The following DNAJC1 variants were observed in gnomAD, a reference collection of about 807,000 sequenced individuals.
DNAJC1 encodes DnaJ heat shock protein family (Hsp40) member C1, also known as dnaJ homolog subfamily C member 1.
A neutral mutation model predicts 76.6 loss-of-function variants in DNAJC1; 58 were observed. The observed-to-expected ratio is 0.76, with a 90% confidence interval of 0.61 to 0.94. The LOEUF is 0.94. DNAJC1 is among the 40% of genes least tolerant of loss of function. The probability of loss-of-function intolerance (pLI) is 0.00; values close to 1 mark genes in which losing one functional copy is unlikely to be tolerated. For missense variants in DNAJC1, 689 were observed against 677.3 expected, an observed-to-expected ratio of 1.02 and a Z score of -0.19; for synonymous variants, 258 against 267.9, an observed-to-expected ratio of 0.96 and a Z score of 0.36.
intron 8 of DNAJC1, among the ~76,000 whole-genome samples, chr10:21,808,886 C>T (rs1055442622): frequency 1.3e-5 from 2 of 152,192 alleles, no homozygotes; most frequent in African/African-American, 2.4e-5. Context: ...TGTGACTATA[C>T]AAGCACTCCA....
At chr10:21,959,800 C>CAAAAAAAAAAAAAAAAAA (rs199556961) in intron 1 of DNAJC1, among the ~76,000 whole-genome samples, 1 of 138,910 alleles carries the variant, frequency 7.2e-6, no homozygotes. Context: ...AAAACAAAAA[C>CAAAAAAAAAAAAAAAAAA]AAAAAAAAAA....
At chr10:21,970,246 T>G (rs968739120) in intron 1 of DNAJC1, among the ~76,000 whole-genome samples, 13 of 152,102 alleles carry the variant, frequency 8.5e-5, no homozygotes, top group African/African-American at 2.4e-5. Context: ...ATACATTTGG[T>G]AAATTCTCTG....
intron 1 of DNAJC1, among the ~76,000 whole-genome samples, chr10:21,951,941 A>T (rs1837603267): frequency 6.6e-6 from 1 of 152,232 alleles, no homozygotes; most frequent in Admixed American, 6.5e-5. Flanking sequence ...TAATTAGATA[A>T]GGAACAAATA....
chr10:21,858,513 G>A (rs1030059013), intron 8 of DNAJC1, among the ~76,000 whole-genome samples: 16 of 152,182 alleles, frequency 1.1e-4, no homozygotes, highest in African/African-American at 3.6e-4. Context: ...AGGTTTCATG[G>A]AAGAAAATAC....
intron 7 of DNAJC1, among the ~76,000 whole-genome samples, chr10:21,892,528 TTAAA>T (rs1836477094): frequency 6.6e-6 from 1 of 151,842 alleles, no homozygotes; most frequent in Admixed American, 6.6e-5. Flanking sequence ...AATCACTATA[TTAAA>T]TATAAACAGT....
chr10:21,943,257 G>A (rs1211406977), intron 1 of DNAJC1, among the ~76,000 whole-genome samples: 1 of 151,928 alleles, frequency 6.6e-6, no homozygotes. Context: ...AAGAAGAAAC[G>A]GGTAAACATT....
chr10:21,995,223 A>G (rs1306094961), intron 1 of DNAJC1, among the ~76,000 whole-genome samples: 1 of 152,284 alleles, frequency 6.6e-6, no homozygotes, highest in East Asian at 1.9e-4. Flanking sequence ...TTGACTAGAA[A>G]TAAGAAGTTT....
rs368543374 is a variant in DNAJC1 at position 21,799,307 on chromosome 10, T to G, written c.1098+6673A>C. On this transcript the variant is annotated intron_variant, in intron 9 of 11. Coordinates refer to ENST00000376980, the MANE Select transcript of DNAJC1 (RefSeq NM_022365.4). ...TTTACTGTTTTTTGTTGTTGTTGTTTTTTTGTTTTGAGACAGGGGCTCACT... is the reference window on the plus strand; with the variant it reads ...TTTACTGTTTTTTGTTGTTGTTGTTGTTTTGTTTTGAGACAGGGGCTCACT... 6.2e-4 allele frequency among the ~76,000 whole-genome samples: 95 copies of G among 152,260 alleles called. 1 individual carries two copies. Among genetic ancestry groups the G allele is most frequent in the Middle Eastern group, 3.4e-3 (1 of 294 alleles).
intron 8 of DNAJC1, among the ~76,000 whole-genome samples, chr10:21,815,708 T>C (rs1428996832): frequency 6.6e-6 from 1 of 152,042 alleles, no homozygotes; most frequent in Non-Finnish European, 1.5e-5. Context: ...TCCTAAGAAA[T>C]CTTTGCCTAT....
intron 1 of DNAJC1, among the ~76,000 whole-genome samples, chr10:21,946,668 A>C (rs934409280): frequency 6.6e-6 from 1 of 152,194 alleles, no homozygotes; most frequent in Non-Finnish European, 1.5e-5. Context: ...TCCTAAGTAC[A>C]TACGCAACAG....
intron 8 of DNAJC1, among the ~76,000 whole-genome samples, chr10:21,811,134 G>A (rs1215908763): frequency 2.0e-5 from 3 of 152,116 alleles, no homozygotes; most frequent in Non-Finnish European, 2.9e-5. Context: ...ACACTCACTC[G>A]GGACATACAA....
chr10:21,989,084 T>G (rs1251703881), intron 1 of DNAJC1, among the ~76,000 whole-genome samples: 1 of 152,196 alleles, frequency 6.6e-6, no homozygotes, highest in Non-Finnish European at 1.5e-5. Context: ...GAACAGTTGC[T>G]AGAAAGGAAC....
chr10:21,913,859 T>C (rs1836909672), intron 6 of DNAJC1, among the ~76,000 whole-genome samples: 1 of 152,164 alleles, frequency 6.6e-6, no homozygotes, highest in Non-Finnish European at 1.5e-5. Context: ...ATAGTCCAAG[T>C]TCCTTGTTAT....
chr10:21,831,094 T>G (rs1835350439), intron 8 of DNAJC1, among the ~76,000 whole-genome samples: 1 of 152,180 alleles, frequency 6.6e-6, no homozygotes, highest in African/African-American at 2.4e-5. Flanking sequence ...TGGGCACATC[T>G]TTACTGGGTG....
intron 1 of DNAJC1, among the ~76,000 whole-genome samples, chr10:21,969,090 A>G (rs1837934543): frequency 6.6e-6 from 1 of 151,780 alleles, no homozygotes; most frequent in African/African-American, 2.4e-5. Context: ...TGGGTGTTGC[A>G]GCACATGCCT....
Position 21,759,164 on chromosome 10 carries a change from A to C in DNAJC1, c.1596+6T>G, listed in dbSNP as rs1834210115. 6.2e-7 allele frequency: 1 copy of C among 1,609,404 alleles called. No homozygotes were observed. Among genetic ancestry groups the C allele is most frequent in the Non-Finnish European group, 8.5e-7 (1 of 1,177,572 alleles). On this transcript the variant is annotated splice_donor_region_variant and intron_variant, in intron 11 of 11. Transcript: ENST00000376980. ...CTGTGCAGAGGCCTCTTTCCCCATCACTCACCTTGCTCTTGGACGGGACAC... is the reference window on the plus strand; with the variant it reads ...CTGTGCAGAGGCCTCTTTCCCCATCCCTCACCTTGCTCTTGGACGGGACAC...
chr10:21,862,276 T>C (rs1835927764), intron 8 of DNAJC1, among the ~76,000 whole-genome samples: 1 of 151,984 alleles, frequency 6.6e-6, no homozygotes, highest in African/African-American at 2.4e-5. Context: ...CTGAATTCTT[T>C]GTTGTGTGAG....
intron 8 of DNAJC1, among the ~76,000 whole-genome samples, chr10:21,834,273 T>A (rs961447078): frequency 2.0e-5 from 3 of 149,400 alleles, no homozygotes; most frequent in Non-Finnish European, 3.0e-5. Context: ...CAAAAAAAAA[T>A]AAGAAAGAAA....
chr10:21,921,323 C>A (rs1837039273), intron 3 of DNAJC1, among the ~76,000 whole-genome samples: 1 of 151,878 alleles, frequency 6.6e-6, no homozygotes, highest in Non-Finnish European at 1.5e-5. Flanking sequence ...AAAGGAGGAT[C>A]TCAATAGGAG....
Sources: allele counts gnomAD v4.1 joint callset (sites outside exome capture counted in the v4.1 genomes callset), GRCh38; gene constraint gnomAD v4.1.1; transcripts MANE v1.5; gene names NCBI Gene and HGNC (gene_info 2026-07-23, HGNC 2026-07-21).